The following CAAP1 variants were observed in gnomAD, a reference collection of about 807,000 sequenced individuals.
CAAP1 encodes the protein caspase activity and apoptosis inhibitor 1.
CAAP1 carries 20 observed loss-of-function variants against 34.0 expected under a neutral mutation model. That is an observed-to-expected ratio of 0.59 (90% CI 0.41 to 0.86). The LOEUF is 0.86. CAAP1 is among the 40% of genes least tolerant of loss of function. CAAP1 has a pLI of 0.00. For missense variants in CAAP1, 538 were observed against 450.5 expected (o/e 1.19, Z -1.76); for synonymous variants, 213 against 166.7 (o/e 1.28, Z -2.14).
intron 1 of CAAP1, among the ~76,000 whole-genome samples, chr9:26,891,526 C>G (rs902821396): frequency 6.6e-6 from 1 of 152,088 alleles, no homozygotes; most frequent in Non-Finnish European, 1.5e-5. Context: ...CAACATAACT[C>G]TTGTAGGAGA....
intron 2 of CAAP1, 40 bp from the exon 3 acceptor site, chr9:26,886,228 C>G (rs774336638): frequency 9.6e-7 from 1 of 1,046,872 alleles, no homozygotes; most frequent in South Asian, 2.3e-5. Context: ...ATTTATGTAA[C>G]ACAGCCCCAA....
In CAAP1 at chr9:26,892,427, C is replaced by G. The variant is rs745984338; in HGVS notation, c.289G>C (p.Gly97Arg). The G allele has an allele frequency of 1.6e-5, 26 of 1,604,130 alleles. No homozygotes were observed. Among genetic ancestry groups the G allele is most frequent in the Non-Finnish European group, 2.2e-5 (26 of 1,177,418 alleles). The change falls in exon 1 of 6, where the codon GGC becomes CGC. Residue 97 changes from glycine (G) to arginine (R), a missense_variant. By Grantham distance (125) the Gly-to-Arg change is moderately radical. Coordinates refer to ENST00000333916, the MANE Select transcript of CAAP1 (RefSeq NM_024828.4). The part of the protein sequence containing the change: ...RRSTDSSSVS[G>R]SLQQETKYIL... ...CGCGCACGCACCTGCTGCAAGGAGC[C>G]CGAGACGCTGGAAGAGTCGGTACTC...
rs192055410 is a variant in CAAP1 at position 26,846,751 on chromosome 9, G to A, written c.740-4104C>T. 3.8e-3 allele frequency among the ~76,000 whole-genome samples: 582 copies of A among 151,910 alleles called. 3 individuals carry two copies. Among genetic ancestry groups the A allele is most frequent in the African/African-American group, 0.013 (520 of 41,430 alleles). On this transcript the variant is annotated intron_variant, in intron 5 of 5. Coordinates refer to ENST00000333916, the MANE Select transcript of CAAP1 (RefSeq NM_024828.4). The stretch of plus-strand genomic sequence containing the variant: ...TGCCCAGGCTGGAGTGCAATGATGC[G>A]ATTTCAGCTCACCACAACCTCCACC...
intron 5 of CAAP1, among the ~76,000 whole-genome samples, chr9:26,848,936 C>A (rs529822457): frequency 6.6e-6 from 1 of 152,102 alleles, no homozygotes; most frequent in Admixed American, 6.5e-5. Context: ...AAAATTATTC[C>A]ATTTATTTAT....
intron 5 of CAAP1, among the ~76,000 whole-genome samples, chr9:26,847,198 A>ATTTTTTTT (rs1171628621): frequency 0.025 from 858 of 34,756 alleles, 277 homozygotes; most frequent in Non-Finnish European, 0.033. Context: ...AAAAAGCAAT[A>ATTTTTTTT]TTTTTTTTTT....
At chr9:26,850,088 G>C (rs1257087059) in intron 5 of CAAP1, among the ~76,000 whole-genome samples, 1 of 152,024 alleles carries the variant, frequency 6.6e-6, no homozygotes, top group Non-Finnish European at 1.5e-5. Flanking sequence ...CCGCCCCCTT[G>C]GCCTCCCAAA....
chr9:26,864,396 A>G (rs1185942569), intron 4 of CAAP1, among the ~76,000 whole-genome samples: 8 of 152,206 alleles, frequency 5.3e-5, no homozygotes, highest in Non-Finnish European at 1.2e-4. Context: ...CAAATGTAAA[A>G]TAATGGCAAA....
At position 26,879,938 on chromosome 9, in the gene CAAP1, G is replaced by C. The variant is rs146036952; in HGVS notation, c.665+4872C>G. Among the ~76,000 whole-genome samples, 38 of 152,248 alleles carry C rather than the reference G, an allele frequency of 2.5e-4. No homozygotes were observed. The East Asian group carries it at 6.9e-3, about 28-fold the overall frequency. Reference sequence around the variant, plus strand: ...ACAGCCTATTGTGGGACTTTACCTTGTGATCGTGTGACTCAATTCTCCTTA... The same window carrying C: ...ACAGCCTATTGTGGGACTTTACCTTCTGATCGTGTGACTCAATTCTCCTTA... On this transcript the variant is annotated intron_variant, in intron 4 of 5. Transcript: ENST00000333916.
intron 4 of CAAP1, among the ~76,000 whole-genome samples, chr9:26,868,648 T>G (rs1823197732): frequency 6.6e-6 from 1 of 152,192 alleles, no homozygotes; most frequent in African/African-American, 2.4e-5. Flanking sequence ...AAAAAGTTAA[T>G]AAATCCCAGC....
At chr9:26,861,237 A>T (rs1822997205) in intron 4 of CAAP1, 98 bp from the exon 5 acceptor site, 2 of 798,150 alleles carry the variant, frequency 2.5e-6, no homozygotes, top group East Asian at 5.0e-5. Flanking sequence ...TAGGGAAGAC[A>T]GGCTACATTC....
intron 4 of CAAP1, among the ~76,000 whole-genome samples, chr9:26,878,678 T>A (rs568227449): frequency 4.2e-4 from 64 of 152,250 alleles, no homozygotes; most frequent in African/African-American, 1.4e-3. Context: ...TGGCCAGGCA[T>A]GGTGGCTTAA....
chr9:26,883,789 G>C (rs1021066545), intron 4 of CAAP1, among the ~76,000 whole-genome samples: 1 of 152,116 alleles, frequency 6.6e-6, no homozygotes, highest in Non-Finnish European at 1.5e-5. Flanking sequence ...ATATTAAAAA[G>C]TTAACAGGCC....
At chr9:26,849,252 C>T (rs756596504) in intron 5 of CAAP1, among the ~76,000 whole-genome samples, 2 of 152,180 alleles carry the variant, frequency 1.3e-5, no homozygotes, top group African/African-American at 2.4e-5. Context: ...CTTCCTATAA[C>T]TATTGCCTAG....
At chr9:26,873,578 T>C (rs1223777864) in intron 4 of CAAP1, among the ~76,000 whole-genome samples, 1 of 152,224 alleles carries the variant, frequency 6.6e-6, no homozygotes, top group Non-Finnish European at 1.5e-5. Flanking sequence ...AACATAATCA[T>C]CTAACATTAC....
chr9:26,858,032 A>G (rs1450589370), intron 5 of CAAP1, among the ~76,000 whole-genome samples: 2 of 152,256 alleles, frequency 1.3e-5, no homozygotes, highest in African/African-American at 4.8e-5. Context: ...TTATTCTGAA[A>G]GAGCAAAAAG....
intron 1 of CAAP1, 135 bp downstream of exon 1, chr9:26,892,278 T>G (rs1031722399): frequency 3.9e-6 from 6 of 1,531,604 alleles, no homozygotes; most frequent in Non-Finnish European, 5.2e-6. Flanking sequence ...GGTAGGAACA[T>G]GAACCTCAAG....
chr9:26,858,996 C>CA (rs397790530), intron 5 of CAAP1, among the ~76,000 whole-genome samples: 16,135 of 64,646 alleles, frequency 0.25, 2,405 homozygotes, highest in East Asian at 0.67. Context: ...GAGACTGTCT[C>CA]AAAAAAAAAA....
intron 5 of CAAP1, among the ~76,000 whole-genome samples, chr9:26,858,532 G>A (rs1264838906): frequency 6.6e-6 from 1 of 152,038 alleles, no homozygotes; most frequent in Non-Finnish European, 1.5e-5. Flanking sequence ...TTAAAAAAAG[G>A]TTAAAACTGG....
intron 4 of CAAP1, among the ~76,000 whole-genome samples, chr9:26,865,909 C>T (rs1254100896): frequency 3.3e-5 from 5 of 152,096 alleles, no homozygotes; most frequent in Admixed American, 6.6e-5. Flanking sequence ...TGTAGTGGCA[C>T]GATCTCAGCT....
Sources: allele counts gnomAD v4.1 joint callset (sites outside exome capture counted in the v4.1 genomes callset), GRCh38; gene constraint gnomAD v4.1.1; transcripts MANE v1.5; gene names NCBI Gene and HGNC (gene_info 2026-07-23, HGNC 2026-07-21).